Variants in CEP128 observed in about 807,000 individuals in gnomAD.
CEP128 encodes the protein centrosomal protein 128kDa.
CEP128 carries 132 observed loss-of-function variants against 156.7 expected under a neutral mutation model. The observed-to-expected ratio is 0.84, with a 90% CI of 0.73 to 0.97. The LOEUF (loss-of-function observed/expected upper bound fraction) is 0.97, where lower values mean the gene tolerates loss of function less well. CEP128 is among the 50% of genes least tolerant of loss of function. CEP128 has a pLI of 0.00. For synonymous variants in CEP128, 469 were observed against 448.9 expected (o/e 1.04, Z -0.57); for missense variants, 1,252 against 1,281.9 (o/e 0.98, Z 0.36).
chr14:80,923,883 C>T (rs981168820), intron 2 of CEP128, among the ~76,000 whole-genome samples: 6 of 152,108 alleles, frequency 3.9e-5, no homozygotes, highest in African/African-American at 7.2e-5. Context: ...AGGCAGTTTC[C>T]TCCATGCTGT....
intron 4 of CEP128, 87 bp downstream of exon 4, chr14:80,914,235 T>C (rs1566712770): frequency 1.1e-6 from 1 of 899,664 alleles, no homozygotes; most frequent in Non-Finnish European, 1.8e-6. Flanking sequence ...CAATGGTTTT[T>C]TCCTTTAGCT....
chr14:80,756,057 ATTC>A (rs1260230069), intron 18 of CEP128, among the ~76,000 whole-genome samples: 3 of 152,200 alleles, frequency 2.0e-5, no homozygotes, highest in Admixed American at 1.3e-4. Flanking sequence ...TTGAAAGAAA[ATTC>A]TAAGTACATT....
chr14:80,637,275 A>C (rs1341046145), intron 19 of CEP128, among the ~76,000 whole-genome samples: 1 of 152,116 alleles, frequency 6.6e-6, no homozygotes, highest in Non-Finnish European at 1.5e-5. Flanking sequence ...GGGGATATTA[A>C]GGTTGTGAAT....
chr14:80,556,040 T>G (rs1890421453), intron 21 of CEP128, among the ~76,000 whole-genome samples: 1 of 152,090 alleles, frequency 6.6e-6, no homozygotes, highest in African/African-American at 2.4e-5. Context: ...ATGCCTCATA[T>G]TGAGCCCAAT....
At chr14:80,750,264 TC>T (rs568566475) in intron 18 of CEP128, among the ~76,000 whole-genome samples, 169 of 152,308 alleles carry the variant, frequency 1.1e-3, no homozygotes, top group Non-Finnish European at 1.9e-3. Context: ...GCAACACTTT[TC>T]CCCCATGTTG....
Position 80,850,981 on chromosome 14 carries a change from T to C in CEP128, c.763-10213A>G, listed in dbSNP as rs186832125. Among the ~76,000 whole-genome samples, 23 of 152,332 alleles carry C rather than the reference T, an allele frequency of 1.5e-4. No individual in the cohort carries two copies. The East Asian group carries it at 1.7e-3, about 11-fold the overall frequency. On this transcript the variant is annotated intron_variant, in intron 9 of 24. Coordinates refer to ENST00000555265, the MANE Select transcript of CEP128 (RefSeq NM_152446.5). ...TTTGAATATATCATTGTAACTACTATATAAACTTCAAATAAGTTAAAATTG... is the reference window on the plus strand; with the variant it reads ...TTTGAATATATCATTGTAACTACTACATAAACTTCAAATAAGTTAAAATTG...
rs955287322 is a variant in CEP128, at chr14:80,676,166, C to T, written c.2806+66909G>A. 2.0e-5 allele frequency among the ~76,000 whole-genome samples: 3 copies of T among 152,172 alleles called. No individual in the cohort carries two copies. The South Asian group carries it at 6.2e-4, about 32-fold the overall frequency. ...CAAAGAGCTGAACATCTCTATGATACACAGTCCTTCTATTCATAAACACAA... is the reference window on the plus strand; with the variant it reads ...CAAAGAGCTGAACATCTCTATGATATACAGTCCTTCTATTCATAAACACAA... On this transcript the variant is annotated intron_variant, in intron 19 of 24. Coordinates refer to ENST00000555265, the MANE Select transcript of CEP128 (RefSeq NM_152446.5).
intron 9 of CEP128, among the ~76,000 whole-genome samples, chr14:80,842,754 CAT>C (rs1886404120): frequency 6.6e-6 from 1 of 151,844 alleles, no homozygotes; most frequent in South Asian, 2.1e-4. Flanking sequence ...AAAAAAATCA[CAT>C]GCCAATGAAT....
chr14:80,752,841 A>T (rs535684713), intron 18 of CEP128, among the ~76,000 whole-genome samples: 8 of 152,318 alleles, frequency 5.3e-5, no homozygotes, highest in Admixed American at 3.9e-4. Flanking sequence ...GAGGCAGTCA[A>T]ACTATGTGAT....
At chr14:80,826,448 T>C (rs2140022246) in intron 13 of CEP128, among the ~76,000 whole-genome samples, 1 of 152,278 alleles carries the variant, frequency 6.6e-6, no homozygotes, top group South Asian at 2.1e-4. Context: ...TCTAAGACCT[T>C]TGGTCTCCAA....
At chr14:80,777,356 C>T (rs927343654) in intron 16 of CEP128, among the ~76,000 whole-genome samples, 1 of 152,164 alleles carries the variant, frequency 6.6e-6, no homozygotes, top group African/African-American at 2.4e-5. Context: ...CAAGAAGAAG[C>T]ATCTGTGAAC....
In CEP128 at chr14:80,831,291, A is replaced by G. The variant is rs116610923; in HGVS notation, c.1061T>C (p.Val354Ala). Reference sequence around the variant, plus strand: ...CTCCAGGTCCTGTTTTTCCCGCTCAACCCCTTAAAAGATAAAATGTAAGGC... The same window carrying G: ...CTCCAGGTCCTGTTTTTCCCGCTCAGCCCCTTAAAAGATAAAATGTAAGGC... ...QGEDWRFRRG[V>A]EREKQDLEKQ... The change falls in exon 13 of 25, where the codon GTT becomes GCT. Residue 354 changes from valine to alanine, a missense_variant. Physicochemically the swap from Val to Ala is moderately conservative, Grantham distance 64. Coordinates refer to ENST00000555265, the MANE Select transcript of CEP128 (RefSeq NM_152446.5). 9.7e-3 allele frequency: 15,731 copies of G among 1,613,696 alleles called. 122 individuals carry two copies. Among genetic ancestry groups the G allele is most frequent in the Middle Eastern group, 0.014 (84 of 6,058 alleles).
intron 19 of CEP128, among the ~76,000 whole-genome samples, chr14:80,714,312 A>G (rs1897522439): frequency 1.3e-5 from 2 of 151,438 alleles, no homozygotes; most frequent in Admixed American, 1.3e-4. Flanking sequence ...ACACACACAT[A>G]CACACACACA....
chr14:80,681,497 C>G (rs1896321736), intron 19 of CEP128, among the ~76,000 whole-genome samples: 1 of 152,172 alleles, frequency 6.6e-6, no homozygotes, highest in Non-Finnish European at 1.5e-5. Context: ...AAATCTCAAA[C>G]TGAATTGTAG....
At chr14:80,814,205 T>C (rs1379844224) in intron 13 of CEP128, among the ~76,000 whole-genome samples, 2 of 152,168 alleles carry the variant, frequency 1.3e-5, no homozygotes, top group Non-Finnish European at 2.9e-5. Flanking sequence ...AATATGTGAA[T>C]TGATGTATTT....
intron 19 of CEP128, among the ~76,000 whole-genome samples, chr14:80,656,864 T>A (rs566173765): frequency 2.0e-5 from 3 of 152,186 alleles, no homozygotes; most frequent in Non-Finnish European, 4.4e-5. Flanking sequence ...GGCCTAACCC[T>A]AATATGATAT....
downstream of CEP128, among the ~76,000 whole-genome samples, chr14:80,493,348 C>T (rs1000077906): frequency 6.6e-6 from 1 of 152,202 alleles, no homozygotes; most frequent in Non-Finnish European, 1.5e-5. Context: ...CCACCCCCAA[C>T]ATTCTCATTT....
At chr14:80,769,828 T>C (rs1900427104) in intron 16 of CEP128, among the ~76,000 whole-genome samples, 1 of 152,090 alleles carries the variant, frequency 6.6e-6, no homozygotes, top group East Asian at 1.9e-4. Flanking sequence ...TAAATGCTGA[T>C]GAAAAAAAAA....
chr14:80,640,452 C>T (rs7140355), intron 19 of CEP128, among the ~76,000 whole-genome samples: 53,673 of 152,014 alleles, frequency 0.35, 11,205 homozygotes, highest in African/African-American at 0.58. Context: ...CTGCCAACTT[C>T]TGAGTCCAAT....
Sources: allele counts gnomAD v4.1 joint callset (sites outside exome capture counted in the v4.1 genomes callset), GRCh38; gene constraint gnomAD v4.1.1; transcripts MANE v1.5; gene names NCBI Gene and HGNC (gene_info 2026-07-23, HGNC 2026-07-21).